NANP: variants seen among roughly 807,000 people sequenced by gnomAD.
The protein encoded by NANP is N-acylneuraminate-9-phosphatase.
In NANP, 15 loss-of-function variants were observed where a neutral mutation model predicts 16.9. The ratio of observed to expected loss-of-function variants is 0.89; its 90% CI spans 0.59 to 1.37. The LOEUF (loss-of-function observed/expected upper bound fraction) is 1.37. Ranked by LOEUF, NANP falls within the 40% of genes most tolerant of loss-of-function variation. The pLI is 0.00. For missense variants in NANP, 290 were observed against 303.5 expected, an observed-to-expected ratio of 0.96 and a Z score of 0.33; for synonymous variants, 135 against 112.6, an observed-to-expected ratio of 1.20 and a Z score of -1.26.
chr20:25,616,541 T>C lies in NANP; in HGVS notation c.131A>G (p.Glu44Gly). ...LLQSKYHYKE[E>G]AEIICDKVQV... ...AACTTTATCACAGATGATTTCAGCC[T>C]CTTCTTTATAATGGTATTTTGATTG... is the stretch of plus-strand genomic sequence containing the variant. Residue 44 changes from glutamate to glycine, a missense_variant, in exon 2 of 2, where the codon GAG (glutamate) becomes GGG (glycine). By Grantham distance (98) the Glu-to-Gly change is moderately conservative. Transcript: ENST00000304788. The C allele has an allele frequency of 6.2e-7, 1 of 1,606,468 alleles. No homozygotes were observed. The highest frequency in any genetic ancestry group is 8.5e-7 in the Non-Finnish European group (1 of 1,177,342).
Position 25,616,636 on chromosome 20 carries a change from C to T in NANP, c.91-55G>A, listed in dbSNP as rs577576051. 53 of 1,362,956 alleles carry T rather than the reference C, an allele frequency of 3.9e-5. No individual in the cohort carries two copies. The Middle Eastern group carries it at 1.0e-3, about 27-fold the overall frequency. The allele number at this position is 1,362,956 out of a possible 1,614,324, so 84.4% of individuals were successfully genotyped here. Reference sequence around the variant, plus strand: ...CATTGCATGTCTTTAGTAGTCATGCCCTAGGAAGCTGTGATCCTACAAGTG... The same window carrying T: ...CATTGCATGTCTTTAGTAGTCATGCTCTAGGAAGCTGTGATCCTACAAGTG... On this transcript the variant is annotated intron_variant, in intron 1 of 1. Transcript: ENST00000304788.
chr20:25,622,551 C>CTTTATT (rs2065369403), intron 1 of NANP, among the ~76,000 whole-genome samples: 1 of 152,158 alleles, frequency 6.6e-6, no homozygotes, highest in East Asian at 1.9e-4. Context: ...AATTGAAATG[C>CTTTATT]ACAGGACTCA....
rs2065338684 is a variant in NANP at position 25,615,367 on chromosome 20, C to T, written c.*558G>A. ...AATCAGGTTCATAAAAGAAAGTATA[C>T]ATCCAAAGTAGGCAAAAACTATGGT... is the stretch of plus-strand genomic sequence containing the variant. On this transcript the variant is annotated 3_prime_UTR_variant, in exon 2 of 2. Transcript: ENST00000304788. 6.6e-6 allele frequency: 1 copy of T among 151,400 alleles called. No homozygotes were observed. The highest frequency in any genetic ancestry group is 2.4e-5 in the African/African-American group (1 of 41,146). The allele number at this position is 151,400 out of a possible 1,614,324, so 9.4% of individuals were successfully genotyped here.
At chr20:25,618,733 G>T (rs2065353312) in intron 1 of NANP, among the ~76,000 whole-genome samples, 1 of 152,134 alleles carries the variant, frequency 6.6e-6, no homozygotes, top group Non-Finnish European at 1.5e-5. Flanking sequence ...GCCCCTTGGG[G>T]AGCAAAACTG....
rs746044784 is a variant in NANP, at chr20:25,616,110, C to T, written c.562G>A (p.Gly188Ser). 3.7e-6 allele frequency: 6 copies of T among 1,613,948 alleles called. No homozygotes were observed. Among genetic ancestry groups the T allele is most frequent in the South Asian group, 2.2e-5 (2 of 91,066 alleles). Reference sequence around the variant, plus strand: ...TGGATGTCGGTTTCTAATGTGTCACCGACCATCACACAGTCCCCAGGTTGT... The same window carrying T: ...TGGATGTCGGTTTCTAATGTGTCACTGACCATCACACAGTCCCCAGGTTGT... Reference protein sequence around the residue: ...GVQPGDCVMVGDTLETDIQGG... With the variant: ...GVQPGDCVMVSDTLETDIQGG... Residue 188 changes from glycine to serine, a missense_variant, in exon 2 of 2, where the codon GGT becomes AGT. Gly to Ser is a moderately conservative substitution (Grantham distance 56, BLOSUM62 0). Transcript: ENST00000304788.
chr20:25,620,821 CCCT>C (rs2065361718), intron 1 of NANP, among the ~76,000 whole-genome samples: 1 of 151,548 alleles, frequency 6.6e-6, no homozygotes, highest in Non-Finnish European at 1.5e-5. Flanking sequence ...ATAGAGGCCC[CCCT>C]TTTTTTTTTT....
chr20:25,622,564 T>A (rs1025243876), intron 1 of NANP, among the ~76,000 whole-genome samples: 1 of 152,202 alleles, frequency 6.6e-6, no homozygotes, highest in Non-Finnish European at 1.5e-5. Flanking sequence ...AGGACTCAGC[T>A]TACTAATAAC....
rs1024580034 is a variant in NANP, at chr20:25,615,386, C to T, written c.*539G>A. ...AGTATACATCCAAAGTAGGCAAAAA[C>T]TATGGTTTATGTTTTCAAAATATGC... On this transcript the variant is annotated 3_prime_UTR_variant, in exon 2 of 2. Transcript: ENST00000304788. The T allele has an allele frequency of 6.6e-6, 1 of 151,744 alleles. No homozygotes were observed. The highest frequency in any genetic ancestry group is 2.4e-5 in the African/African-American group (1 of 41,264). 9.4% of individuals were successfully genotyped at this position (151,744 alleles called of 1,614,324 possible).
rs1480123983 is a variant in NANP at position 25,614,039 on chromosome 20, C to T, written c.*1886G>A. On this transcript the variant is annotated 3_prime_UTR_variant, in exon 2 of 2. Transcript: ENST00000304788. Reference sequence around the variant, plus strand: ...GGTCATATGGGTACTGCATTTGAAACTACAAACATCCTCTGTTCACAAATG... The same window carrying T: ...GGTCATATGGGTACTGCATTTGAAATTACAAACATCCTCTGTTCACAAATG... The T allele has an allele frequency of 2.6e-6, 1 of 391,464 alleles. No homozygotes were observed. Among genetic ancestry groups the T allele is most frequent in the African/African-American group, 2.1e-5 (1 of 48,482 alleles). The allele number at this position is 391,464 out of a possible 1,614,324, so 24.2% of individuals were successfully genotyped here. A position where few individuals can be genotyped will look rare whatever the true frequency, so the allele number is the denominator to read the frequency against.
At position 25,615,844 on chromosome 20, in the gene NANP, A is replaced by G. The variant is rs1303873716; in HGVS notation, c.*81T>C. The G allele has an allele frequency of 4.5e-6, 6 of 1,321,980 alleles. No individual in the cohort carries two copies. Among genetic ancestry groups the G allele is most frequent in the Admixed American group, 2.3e-5 (1 of 43,410 alleles). The allele number at this position is 1,321,980 out of a possible 1,614,324, so 81.9% of individuals were successfully genotyped here. On this transcript the variant is annotated 3_prime_UTR_variant, in exon 2 of 2. Coordinates refer to ENST00000304788, the MANE Select transcript of NANP (RefSeq NM_152667.3). The stretch of plus-strand genomic sequence containing the variant: ...AAATTATTCTTAGAGCTGGATTATC[A>G]TAAGTGGAGTGCCCTAACTTTTCTT...
At position 25,616,103 on chromosome 20, in the gene NANP, G is replaced by C. The variant is rs377641396; in HGVS notation, c.569C>G (p.Thr190Arg). ...QPGDCVMVGD[T>R]LETDIQGGLN... ...GCCTCCTTGGATGTCGGTTTCTAAT[G>C]TGTCACCGACCATCACACAGTCCCC... Residue 190 changes from threonine (T) to arginine (R), a missense_variant, in exon 2 of 2, where the codon ACA becomes AGA. Physicochemically the swap from Thr to Arg is moderately conservative, Grantham distance 71. Coordinates refer to ENST00000304788, the MANE Select transcript of NANP (RefSeq NM_152667.3). The C allele has an allele frequency of 1.2e-6, 2 of 1,613,994 alleles. No homozygotes were observed. Among genetic ancestry groups the C allele is most frequent in the African/African-American group, 2.7e-5 (2 of 74,896 alleles).
In NANP at chr20:25,613,639, T is replaced by G; in HGVS notation, c.*2286A>C. 2.5e-6 allele frequency: 1 copy of G among 396,738 alleles called. No individual in the cohort carries two copies. Among genetic ancestry groups the G allele is most frequent in the Non-Finnish European group, 4.4e-6 (1 of 225,464 alleles). The allele number at this position is 396,738 out of a possible 1,614,324, so 24.6% of individuals were successfully genotyped here. On this transcript the variant is annotated 3_prime_UTR_variant, in exon 2 of 2. Transcript: ENST00000304788. ...TTTCTGTAACATTCCACTCAGAAGG[T>G]AGATAACCACAAAGTTCTTCCCTAA...
rs1025647725 is a variant in NANP, at chr20:25,613,293, T to A, written c.*2632A>T. ...CCAAGAACTTTGGTAAAGACCTGCT[T>A]TCCTACAATACTGAGCATCCACTGG... is the stretch of plus-strand genomic sequence containing the variant. On this transcript the variant is annotated 3_prime_UTR_variant, in exon 2 of 2. Transcript: ENST00000304788. 6.6e-6 allele frequency: 1 copy of A among 152,222 alleles called. No homozygotes were observed. Among genetic ancestry groups the A allele is most frequent in the Non-Finnish European group, 1.5e-5 (1 of 68,074 alleles). 9.4% of individuals were successfully genotyped at this position (152,222 alleles called of 1,614,324 possible).
chr20:25,615,788 C>T lies in NANP; in HGVS notation c.*137G>A. The T allele has an allele frequency of 2.3e-6, 2 of 859,448 alleles. No homozygotes were observed. The highest frequency in any genetic ancestry group is 3.5e-6 in the Non-Finnish European group (2 of 572,862). 53.2% of individuals were successfully genotyped at this position (859,448 alleles called of 1,614,324 possible). ...TTAGAAGCAATAGGGTTGGGAAGAC[C>T]TTCAAAATATTGGCCATTAAATCAT... On this transcript the variant is annotated 3_prime_UTR_variant, in exon 2 of 2. Coordinates refer to ENST00000304788, the MANE Select transcript of NANP (RefSeq NM_152667.3).
rs1230661552 is a variant in NANP, at chr20:25,614,145, G to A, written c.*1780C>T. The stretch of plus-strand genomic sequence containing the variant: ...AAAATCTAGAGCGAAAAGTAAACAC[G>A]AAAGGGCATTTGCATGAGGCAGAGA... On this transcript the variant is annotated 3_prime_UTR_variant, in exon 2 of 2. Coordinates refer to ENST00000304788, the MANE Select transcript of NANP (RefSeq NM_152667.3). The A allele has an allele frequency of 2.1e-5, 6 of 287,462 alleles. No homozygotes were observed. The highest frequency in any genetic ancestry group is 3.2e-5 in the Non-Finnish European group (5 of 157,246). The allele number at this position is 287,462 out of a possible 1,614,324, so 17.8% of individuals were successfully genotyped here.
At chr20:25,622,221 C>G (rs2065367468) in intron 1 of NANP, among the ~76,000 whole-genome samples, 1 of 152,188 alleles carries the variant, frequency 6.6e-6, no homozygotes, top group Non-Finnish European at 1.5e-5. Context: ...GACAAGCCCA[C>G]AGCAACAGTC....
chr20:25,613,147 CAT>C lies in NANP; in HGVS notation c.*2776_*2777del, dbSNP rs760195244. On this transcript the variant is annotated 3_prime_UTR_variant, in exon 2 of 2. Transcript: ENST00000304788. ...TGTTATATTTATATTTATTTATATA[CAT>C]GTGTTATATTTATATTTATATATAG... The C allele has an allele frequency of 6.6e-6, 1 of 151,518 alleles. No homozygotes were observed. Among genetic ancestry groups the C allele is most frequent in the African/African-American group, 2.4e-5 (1 of 41,264 alleles). 9.4% of individuals were successfully genotyped at this position (151,518 alleles called of 1,614,324 possible). A position where few individuals can be genotyped will look rare whatever the true frequency, so the allele number is the denominator to read the frequency against.
intron 1 of NANP, among the ~76,000 whole-genome samples, chr20:25,619,098 G>T (rs1357118608): frequency 6.7e-6 from 1 of 148,524 alleles, no homozygotes; most frequent in Non-Finnish European, 1.5e-5. Flanking sequence ...CAGAGTAAAA[G>T]AATCACAACA....
rs188714755 is a variant in NANP at position 25,620,834 on chromosome 20, T to C, written c.90+3025A>G. ...GGATAGAGGCCCCCCTTTTTTTTTT[T>C]TCCATTAAATGAAGGTAGCCAGGAG... On this transcript the variant is annotated intron_variant, in intron 1 of 1. Coordinates refer to ENST00000304788, the MANE Select transcript of NANP (RefSeq NM_152667.3). Among the ~76,000 whole-genome samples, 525 of 152,178 alleles carry C rather than the reference T, an allele frequency of 3.4e-3. 5 individuals carry two copies. The highest frequency in any genetic ancestry group is 0.012 in the African/African-American group (494 of 41,532).
Sources: allele counts gnomAD v4.1 joint callset (sites outside exome capture counted in the v4.1 genomes callset), GRCh38; gene constraint gnomAD v4.1.1; transcripts MANE v1.5; gene names NCBI Gene and HGNC (gene_info 2026-07-23, HGNC 2026-07-21).